SLC18A1: variants seen among roughly 807,000 people sequenced by gnomAD.
The protein encoded by SLC18A1 is solute carrier family 18 member A1.
In SLC18A1, 69 loss-of-function variants were observed where a neutral mutation model predicts 53.7. The observed-to-expected ratio is 1.28, with a 90% CI of 1.06 to 1.57. The LOEUF is 1.57. Ranked by LOEUF, SLC18A1 falls within the 40% of genes most tolerant of loss-of-function variation. The pLI, the probability that SLC18A1 is intolerant of heterozygous loss-of-function variation, is 0.00. For missense variants in SLC18A1, 932 were observed against 668.1 expected, an observed-to-expected ratio of 1.40 and a Z score of -4.35; for synonymous variants, 320 against 248.1, an observed-to-expected ratio of 1.29 and a Z score of -2.72.
intron 12 of SLC18A1, among the ~76,000 whole-genome samples, chr8:20,148,922 T>G (rs560670547): frequency 6.6e-6 from 1 of 152,260 alleles, no homozygotes; most frequent in Non-Finnish European, 1.5e-5. Context: ...ATCAGAACCC[T>G]CTCTACATAG....
In SLC18A1 at chr8:20,147,341, T is replaced by A. The variant is rs573496522; in HGVS notation, c.1381A>T (p.Met461Leu). The part of the protein sequence containing the change: ...IVKAIGFPWL[M>L]VITGVINIVY... The stretch of plus-strand genomic sequence containing the variant: ...ATGTTGATGACCCCAGTGATGACCA[T>A]GAGCCAGGGAAAACCGATGGCCTTT... Residue 461 changes from methionine (M) to leucine (L), a missense_variant, in exon 15 of 16, where the codon ATG becomes TTG. Met to Leu is a conservative substitution (Grantham distance 15, BLOSUM62 2). Coordinates refer to ENST00000276373, the MANE Select transcript of SLC18A1 (RefSeq NM_003053.4). 2.5e-6 allele frequency: 4 copies of A among 1,613,422 alleles called. No homozygotes were observed. The highest frequency in any genetic ancestry group is 1.1e-5 in the South Asian group (1 of 91,012).
At chr8:20,162,832 T>A (rs1486971936) in intron 10 of SLC18A1, among the ~76,000 whole-genome samples, 8 of 152,212 alleles carry the variant, frequency 5.3e-5, no homozygotes, top group Non-Finnish European at 1.0e-4. Flanking sequence ...CTCACCAGAA[T>A]CACCCTTAAT....
At chr8:20,160,787 G>A (rs2071811486) in intron 10 of SLC18A1, among the ~76,000 whole-genome samples, 1 of 152,142 alleles carries the variant, frequency 6.6e-6, no homozygotes, top group Non-Finnish European at 1.5e-5. Flanking sequence ...GGAATCGCAA[G>A]TGCATGGCAC....
At chr8:20,164,787 C>T in intron 10 of SLC18A1, 82 bp downstream of exon 10, 2 of 1,025,774 alleles carry the variant, frequency 1.9e-6, no homozygotes. Context: ...AGCATGTTGT[C>T]CCTGTGTGAC....
Position 20,176,943 on chromosome 8 carries a change from C to T in SLC18A1, c.547+1492G>A, listed in dbSNP as rs148642298. On this transcript the variant is annotated intron_variant, in intron 4 of 15. Transcript: ENST00000276373. ...CATTGTCTTACTTCTCAGTGTGTGT[C>T]TCATGTCTCCCCAGGCAACCATCAT... Among the ~76,000 whole-genome samples the T allele has an allele frequency of 2.0e-5, 3 of 152,282 alleles. No homozygotes were observed. The East Asian group carries it at 5.8e-4, about 29-fold the overall frequency.
Position 20,147,282 on chromosome 8 carries a change from G to C in SLC18A1, c.1440C>G (p.Ser480Arg), listed in dbSNP as rs751861404. ...VYAPLCYYLR[S>R]PPAKEEKLAI... ...CAAGCTTCTCTTCCTTTGCCGGGGG[G>C]CTCCGCAGGTAGTAGCAGAGTGGAG... Residue 480 changes from serine to arginine, a missense_variant, in exon 15 of 16, where the codon AGC (serine) becomes AGG (arginine). By Grantham distance (110) the Ser-to-Arg change is moderately radical. Coordinates refer to ENST00000276373, the MANE Select transcript of SLC18A1 (RefSeq NM_003053.4). 1.9e-6 allele frequency: 3 copies of C among 1,607,978 alleles called. No individual in the cohort carries two copies. Among genetic ancestry groups the C allele is most frequent in the East Asian group, 2.2e-5 (1 of 44,860 alleles).
At chr8:20,150,427 T>A (rs894764142) in intron 11 of SLC18A1, among the ~76,000 whole-genome samples, 1 of 152,156 alleles carries the variant, frequency 6.6e-6, no homozygotes, top group African/African-American at 2.4e-5. Flanking sequence ...AAGTAAGGGG[T>A]GCCCCTCATG....
chr8:20,180,507 C>A (rs1442126390), intron 2 of SLC18A1, among the ~76,000 whole-genome samples: 1 of 151,984 alleles, frequency 6.6e-6, no homozygotes, highest in East Asian at 1.9e-4. Context: ...GATCTCGCTG[C>A]CTCAGAGGCA....
chr8:20,151,665 A>G (rs75871529), intron 10 of SLC18A1, among the ~76,000 whole-genome samples: 3,588 of 152,290 alleles, frequency 0.024, 152 homozygotes, highest in African/African-American at 0.082. Context: ...TTGTGACAGT[A>G]GAGGGAAGTG....
rs191589225 is a variant in SLC18A1, at chr8:20,167,554, T to C, written c.859-2447A>G. 8.0e-3 allele frequency among the ~76,000 whole-genome samples: 1,212 copies of C among 152,170 alleles called. 13 individuals are homozygous for C. The highest frequency in any genetic ancestry group is 0.022 in the South Asian group (108 of 4,816). On this transcript the variant is annotated intron_variant, in intron 8 of 15. Coordinates refer to ENST00000276373, the MANE Select transcript of SLC18A1 (RefSeq NM_003053.4). ...GTGTGTATTAGCTCTGTCATCAAGA[T>C]GGCAGGGAAACAAGGTGACCCCAAT...
intron 1 of SLC18A1, among the ~76,000 whole-genome samples, chr8:20,182,798 A>C (rs1395201046): frequency 6.6e-6 from 1 of 152,244 alleles, no homozygotes; most frequent in Admixed American, 6.5e-5. Flanking sequence ...CTCTATATAA[A>C]GGAGGTATTT....
chr8:20,152,870 G>A (rs2071593071), intron 10 of SLC18A1, among the ~76,000 whole-genome samples: 1 of 152,162 alleles, frequency 6.6e-6, no homozygotes. Flanking sequence ...TTTGATCAGG[G>A]CTGGGATGCT....
At chr8:20,171,536 A>T in intron 6 of SLC18A1, 42 bp from the exon 7 acceptor site, 3 of 1,450,816 alleles carry the variant, frequency 2.1e-6, no homozygotes, top group Non-Finnish European at 2.9e-6. Context: ...GGTGAGGGTG[A>T]GTCCTTTGCA....
chr8:20,145,590 A>T lies in SLC18A1; in HGVS notation c.*173T>A. The T allele has an allele frequency of 2.2e-6, 1 of 447,920 alleles. No homozygotes were observed. Among genetic ancestry groups the T allele is most frequent in the South Asian group, 5.2e-5 (1 of 19,162 alleles). 27.7% of individuals were successfully genotyped at this position (447,920 alleles called of 1,614,324 possible). A position where few individuals can be genotyped will look rare whatever the true frequency, so the allele number is the denominator to read the frequency against. ...ACCAAGGCATAGAGGAAGAGCTACA[A>T]GTTACACAGGTGAGAAGAGTATCAG... is the stretch of plus-strand genomic sequence containing the variant. On this transcript the variant is annotated 3_prime_UTR_variant, in exon 16 of 16. Coordinates refer to ENST00000276373, the MANE Select transcript of SLC18A1 (RefSeq NM_003053.4).
chr8:20,159,807 C>T (rs559928011), intron 10 of SLC18A1, among the ~76,000 whole-genome samples: 1 of 152,210 alleles, frequency 6.6e-6, no homozygotes, highest in South Asian at 2.1e-4. Context: ...GCCCTACAAG[C>T]ACTGGTCTTG....
At chr8:20,156,425 G>C (rs1022752673) in intron 10 of SLC18A1, among the ~76,000 whole-genome samples, 24 of 152,052 alleles carry the variant, frequency 1.6e-4, no homozygotes, top group Non-Finnish European at 3.4e-4. Context: ...GGTCTGACCA[G>C]ACTCAGGAGG....
chr8:20,159,761 T>G (rs1349206121), intron 10 of SLC18A1, among the ~76,000 whole-genome samples: 1 of 150,996 alleles, frequency 6.6e-6, no homozygotes, highest in East Asian at 2.0e-4. Flanking sequence ...ATAGTGCATA[T>G]CAAACATTTT....
At position 20,149,681 on chromosome 8, in the gene SLC18A1, G is replaced by T. The variant is rs763273883; in HGVS notation, c.1141C>A (p.Leu381Ile). 1 of 1,612,450 alleles carries T rather than the reference G, an allele frequency of 6.2e-7. No individual in the cohort carries two copies. Among genetic ancestry groups the T allele is most frequent in the South Asian group, 1.1e-5 (1 of 90,968 alleles). The change falls in exon 12 of 16, where the codon CTC (leucine) becomes ATC (isoleucine). Residue 381 changes from leucine (L) to isoleucine (I), a missense_variant. By Grantham distance (5) the Leu-to-Ile change is conservative. Coordinates refer to ENST00000276373, the MANE Select transcript of SLC18A1 (RefSeq NM_003053.4). ...CCAGGTCTTCTTATACTTACACAGA[G>T]CAAGCTGGTACCTACTACCAGCATC... ...IGMLVVGTSL[L>I]CVPLAHNIFG...
At chr8:20,155,411 A>C (rs2071658151) in intron 10 of SLC18A1, among the ~76,000 whole-genome samples, 1 of 151,776 alleles carries the variant, frequency 6.6e-6, no homozygotes, top group Non-Finnish European at 1.5e-5. Context: ...TTCTAACAAC[A>C]CCCAATCCTT....
Sources: allele counts gnomAD v4.1 joint callset (sites outside exome capture counted in the v4.1 genomes callset), GRCh38; gene constraint gnomAD v4.1.1; transcripts MANE v1.5; gene names NCBI Gene and HGNC (gene_info 2026-07-23, HGNC 2026-07-21).